The following ABHD5 variants were observed in gnomAD, a reference collection of about 807,000 sequenced individuals.
ABHD5 encodes the protein 1-acylglycerol-3-phosphate O-acyltransferase ABHD5.
Under a neutral mutation model 44.9 loss-of-function variants are expected in ABHD5, and 30 were observed. The ratio of observed to expected loss-of-function variants is 0.67; its 90% CI spans 0.50 to 0.91. The LOEUF is 0.91. Among genes scored for constraint, ABHD5 ranks in the 40% least tolerant of loss-of-function variants. ABHD5 has a pLI of 0.00. For synonymous variants in ABHD5, 167 were observed against 147.0 expected, an observed-to-expected ratio of 1.14 and a Z score of -0.99; for missense variants, 399 against 423.4, an observed-to-expected ratio of 0.94 and a Z score of 0.50.
chr3:43,732,492 A>G (rs907801572), intron 7 of ABHD5, among the ~76,000 whole-genome samples: 1 of 152,166 alleles, frequency 6.6e-6, no homozygotes, highest in Admixed American at 6.5e-5. Context: ...ATACACATTA[A>G]AATTTGATAA....
chr3:43,725,357 A>G (rs141690568), downstream of ABHD5, among the ~76,000 whole-genome samples: 1 of 152,260 alleles, frequency 6.6e-6, no homozygotes, highest in Non-Finnish European at 1.5e-5. Flanking sequence ...TAAAAATGTT[A>G]TATTAAGTTA....
intron 4 of ABHD5, among the ~76,000 whole-genome samples, chr3:43,713,863 A>G (rs534573141): frequency 1.7e-4 from 26 of 151,936 alleles, no homozygotes; most frequent in Middle Eastern, 3.4e-3. Flanking sequence ...TATTGCTTGC[A>G]CTTGGGGGTG....
At chr3:43,729,087 A>G (rs2084896896) in intron 7 of ABHD5, among the ~76,000 whole-genome samples, 1 of 152,230 alleles carries the variant, frequency 6.6e-6, no homozygotes, top group Non-Finnish European at 1.5e-5. Context: ...TCTAACCATA[A>G]CAGCCTGAGA....
intron 3 of ABHD5, among the ~76,000 whole-genome samples, chr3:43,703,399 A>C: frequency 6.6e-6 from 1 of 151,994 alleles, no homozygotes; most frequent in Non-Finnish European, 1.5e-5. Flanking sequence ...GGCTGGTCTC[A>C]AACTCCTGAC....
chr3:43,702,330 T>G lies in ABHD5; in HGVS notation c.249T>G (p.Gly83=). The change falls in exon 3 of 7, where the codon GGT becomes GGG. Residue 83 remains glycine (G), a synonymous_variant. Coordinates refer to ENST00000644371, the MANE Select transcript of ABHD5 (RefSeq NM_016006.6). ...SNKTPLVLLH[G]FGGGLGLWAL... The stretch of plus-strand genomic sequence containing the variant: ...AGACTCCACTTGTCCTTCTCCATGG[T>G]TTTGGAGGAGGTCTTGGGCTCTGGG... 6.2e-7 allele frequency: 1 copy of G among 1,612,784 alleles called. No homozygotes were observed. Among genetic ancestry groups the G allele is most frequent in the Non-Finnish European group, 8.5e-7 (1 of 1,178,798 alleles).
chr3:43,698,009 G>A (rs572971652), intron 1 of ABHD5, among the ~76,000 whole-genome samples: 17 of 152,332 alleles, frequency 1.1e-4, no homozygotes, highest in Admixed American at 9.1e-4. Flanking sequence ...ATTATTGATT[G>A]AGTACCTGTT....
rs192037837 is a variant in ABHD5, at chr3:43,721,879, A to G, written c.*3347A>G. On this transcript the variant is annotated 3_prime_UTR_variant, in exon 7 of 7. Coordinates refer to ENST00000644371, the MANE Select transcript of ABHD5 (RefSeq NM_016006.6). ...TCTTTAAACATACAAGGATATGCAT[A>G]AAAAGACAAATGCAAAATAAAATAA... The G allele has an allele frequency of 6.6e-6, 1 of 152,350 alleles. No homozygotes were observed. The highest frequency in any genetic ancestry group is 1.9e-4 in the East Asian group (1 of 5,192). 9.4% of individuals were successfully genotyped at this position (152,350 alleles called of 1,614,324 possible).
At chr3:43,704,680 T>C (rs1317331731) in intron 3 of ABHD5, among the ~76,000 whole-genome samples, 1 of 152,180 alleles carries the variant, frequency 6.6e-6, no homozygotes, top group Non-Finnish European at 1.5e-5. Flanking sequence ...CTTCAGGGAT[T>C]CAGAAGGGAA....
At chr3:43,705,690 G>A (rs1311652889) in intron 3 of ABHD5, among the ~76,000 whole-genome samples, 1 of 152,088 alleles carries the variant, frequency 6.6e-6, no homozygotes. Flanking sequence ...CTTCTCCCTA[G>A]CTTTTTTCCT....
chr3:43,733,051 A>G (rs999766501), intron 7 of ABHD5, among the ~76,000 whole-genome samples: 7 of 152,230 alleles, frequency 4.6e-5, no homozygotes, highest in African/African-American at 1.7e-4. Flanking sequence ...TGGAGAGTCT[A>G]ACAAGACAGC....
rs2084787168 is a variant in ABHD5, at chr3:43,717,856, TAGTA to T, written c.960+3_960+6del. 6.2e-7 allele frequency: 1 copy of T among 1,614,104 alleles called. No homozygotes were observed. Among genetic ancestry groups the T allele is most frequent in the Non-Finnish European group, 8.5e-7 (1 of 1,179,980 alleles). On this transcript the variant is annotated splice_donor_variant and splice_donor_region_variant and coding_sequence_variant and intron_variant, in exon 6 of 7. Coordinates refer to ENST00000644371, the MANE Select transcript of ABHD5 (RefSeq NM_016006.6). LOFTEE classifies it high-confidence loss of function. Reference sequence around the variant, plus strand: ...CGACCACATTCATATGTGAAGACAATAGTAAGTGTGTGGCTTGATTTGGGTTTTT... The same window carrying T: ...CGACCACATTCATATGTGAAGACAATAGTGTGTGGCTTGATTTGGGTTTTT...
intron 4 of ABHD5, among the ~76,000 whole-genome samples, chr3:43,714,297 G>C (rs987296419): frequency 1.3e-5 from 2 of 151,946 alleles, no homozygotes; most frequent in African/African-American, 2.4e-5. Context: ...ACCACGCCCG[G>C]CTAATTTTTG....
chr3:43,699,417 A>G (rs1460017200), intron 2 of ABHD5, 56 bp downstream of exon 2: 7 of 1,464,538 alleles, frequency 4.8e-6, no homozygotes, highest in South Asian at 2.3e-5. Context: ...GGTCCAATAT[A>G]TCTCATTGCC....
intron 1 of ABHD5, among the ~76,000 whole-genome samples, chr3:43,696,698 A>G (rs1366872773): frequency 6.6e-6 from 1 of 152,222 alleles, no homozygotes; most frequent in Non-Finnish European, 1.5e-5. Flanking sequence ...GAAGCCTATT[A>G]TGTATATAAC....
rs1308268716 is a variant in ABHD5, at chr3:43,718,882, C to T, written c.*350C>T. On this transcript the variant is annotated 3_prime_UTR_variant, in exon 7 of 7. Coordinates refer to ENST00000644371, the MANE Select transcript of ABHD5 (RefSeq NM_016006.6). ...TATTTTTATATTGCAATCTATATTA[C>T]CAATTTAGGAAGTGATTTCTGAGTC... The T allele has an allele frequency of 9.1e-5, 23 of 252,320 alleles. No individual in the cohort carries two copies. The highest frequency in any genetic ancestry group is 7.0e-5 in the Non-Finnish European group (9 of 128,098). 15.6% of individuals were successfully genotyped at this position (252,320 alleles called of 1,614,324 possible).
Position 43,722,407 on chromosome 3 carries a change from A to G in ABHD5, c.*3875A>G, listed in dbSNP as rs905999888. 5.3e-5 allele frequency: 8 copies of G among 152,196 alleles called. No homozygotes were observed. Among genetic ancestry groups the G allele is most frequent in the Non-Finnish European group, 5.9e-5 (4 of 68,032 alleles). 9.4% of individuals were successfully genotyped at this position (152,196 alleles called of 1,614,324 possible). ...AAATATGTATTTGCTTTTTTTGTAA[A>G]GCAATAGAAGAATTAGTTATACCAA... On this transcript the variant is annotated 3_prime_UTR_variant, in exon 7 of 7. Transcript: ENST00000644371.
chr3:43,725,860 G>T (rs373582479), downstream of ABHD5, among the ~76,000 whole-genome samples: 1,085 of 146,854 alleles, frequency 7.4e-3, 3 homozygotes, highest in Middle Eastern at 0.014. Flanking sequence ...TTTTTTTTTT[G>T]TTTTTTTGTT....
chr3:43,713,455 G>A (rs1263447013), intron 4 of ABHD5, among the ~76,000 whole-genome samples: 3 of 152,026 alleles, frequency 2.0e-5, no homozygotes, highest in Non-Finnish European at 1.5e-5. Flanking sequence ...TGTAAATGCT[G>A]TTCCCTTCTG....
chr3:43,716,558 C>T (rs1440410725), intron 5 of ABHD5, among the ~76,000 whole-genome samples: 1 of 152,032 alleles, frequency 6.6e-6, no homozygotes, highest in African/African-American at 2.4e-5. Context: ...TAGCTGTAGC[C>T]TCAGTCTTTT....
Sources: gnomAD v4.1 joint callset for allele counts (sites outside exome capture counted in the v4.1 genomes callset) on GRCh38, gnomAD v4.1.1 for gene constraint, MANE v1.5 for transcripts, NCBI Gene and HGNC (gene_info 2026-07-23, HGNC 2026-07-21) for gene names.